ZNF679: variants seen among roughly 807,000 people sequenced by gnomAD.
ZNF679 encodes the protein hypothetical protein MGC42415.
Under a neutral mutation model 13.4 loss-of-function variants are expected in ZNF679, and 10 were observed. The ratio of observed to expected loss-of-function variants is 0.75; its 90% CI spans 0.46 to 1.27. ZNF679 has a LOEUF of 1.27. Among genes scored for constraint, ZNF679 ranks in the 50% most tolerant of loss-of-function variants. The pLI, the probability that ZNF679 is intolerant of heterozygous loss-of-function variation, is 0.00. For synonymous variants in ZNF679, 179 were observed against 162.5 expected, an observed-to-expected ratio of 1.10 and a Z score of -0.77; for missense variants, 525 against 477.8, an observed-to-expected ratio of 1.10 and a Z score of -0.92.
At chr7:64,245,120 A>G (rs1458616031) in intron 1 of ZNF679, among the ~76,000 whole-genome samples, 1 of 152,058 alleles carries the variant, frequency 6.6e-6, no homozygotes, top group Non-Finnish European at 1.5e-5. Flanking sequence ...CTGCTTCCCA[A>G]GTTCAAGCAG....
At chr7:64,251,770 T>C in intron 2 of ZNF679, among the ~76,000 whole-genome samples, 1 of 152,154 alleles carries the variant, frequency 6.6e-6, no homozygotes, top group East Asian at 1.9e-4. Context: ...ATCTCCTGAG[T>C]TATTTTCTTT....
At chr7:64,246,732 A>G (rs558197555) in intron 1 of ZNF679, among the ~76,000 whole-genome samples, 1 of 152,024 alleles carries the variant, frequency 6.6e-6, no homozygotes, top group South Asian at 2.1e-4. Flanking sequence ...AAAGAAAGAA[A>G]GAAAAGAAAG....
chr7:64,243,082 C>G (rs1320859161), intron 1 of ZNF679, among the ~76,000 whole-genome samples: 1 of 152,052 alleles, frequency 6.6e-6, no homozygotes, highest in Non-Finnish European at 1.5e-5. Flanking sequence ...TGTGCTGGAC[C>G]CTGATATGAC....
chr7:64,236,957 GA>G lies in ZNF679; in HGVS notation c.-91+8308del, dbSNP rs1180235374. Among the ~76,000 whole-genome samples, 146 of 74,284 alleles carry G rather than the reference GA, an allele frequency of 2.0e-3. 2 individuals carry two copies. The highest frequency in any genetic ancestry group is 6.0e-3 in the Middle Eastern group (1 of 168). The allele number at this position is 74,284 out of a possible 152,430, so 48.7% of individuals were successfully genotyped here. ...AGAAAGAAAGAAAGAAAGAAAGAAAGAAAGAAAGAAAGAAAGAAAAAGAAAG... is the reference window on the plus strand; with the variant it reads ...AGAAAGAAAGAAAGAAAGAAAGAAAGAAGAAAGAAAGAAAGAAAAAGAAAG... On this transcript the variant is annotated intron_variant, in intron 1 of 4. Transcript: ENST00000421025.
intron 1 of ZNF679, among the ~76,000 whole-genome samples, chr7:64,241,995 T>C (rs1051638346): frequency 6.6e-6 from 1 of 152,186 alleles, no homozygotes; most frequent in South Asian, 2.1e-4. Flanking sequence ...AGTCAACATA[T>C]CTTGGGATAT....
chr7:64,237,553 C>T (rs1174659577), intron 1 of ZNF679, among the ~76,000 whole-genome samples: 1 of 152,224 alleles, frequency 6.6e-6, no homozygotes, highest in African/African-American at 2.4e-5. Context: ...GCCAAGGCTG[C>T]AGTGATGTCT....
intron 4 of ZNF679, 133 bp downstream of exon 4, chr7:64,261,062 T>A: frequency 2.1e-6 from 2 of 958,566 alleles, no homozygotes; most frequent in Non-Finnish European, 3.0e-6. Flanking sequence ...AGTCATTTTT[T>A]TTTCTTTTGC....
chr7:64,250,619 C>A (rs193115434), intron 2 of ZNF679, among the ~76,000 whole-genome samples: 63 of 151,764 alleles, frequency 4.2e-4, no homozygotes, highest in African/African-American at 1.4e-3. Flanking sequence ...GACGGAGCCC[C>A]ATTCCGTCAC....
At chr7:64,244,000 C>T (rs1787834279) in intron 1 of ZNF679, among the ~76,000 whole-genome samples, 3 of 152,062 alleles carry the variant, frequency 2.0e-5, no homozygotes, top group South Asian at 4.1e-4. Context: ...GTCTGTAATC[C>T]CAGCACTTTG....
chr7:64,247,688 A>T (rs1464019739), intron 1 of ZNF679, among the ~76,000 whole-genome samples: 2 of 151,876 alleles, frequency 1.3e-5, no homozygotes, highest in African/African-American at 4.8e-5. Context: ...CAAATAGCTG[A>T]TTACAAGTGT....
intron 1 of ZNF679, among the ~76,000 whole-genome samples, chr7:64,241,659 GA>G (rs758835322): frequency 1.1e-4 from 16 of 152,188 alleles, no homozygotes; most frequent in Non-Finnish European, 2.2e-4. Flanking sequence ...CCAGGATAAA[GA>G]GTTATATCAT....
At chr7:64,261,070 T>C (rs1788071068) in intron 4 of ZNF679, 141 bp downstream of exon 4, 2 of 847,520 alleles carry the variant, frequency 2.4e-6, no homozygotes, top group African/African-American at 3.5e-5. Flanking sequence ...TTTTTTCTTT[T>C]GCTCTCAGAT....
In ZNF679 at chr7:64,249,070, A is replaced by G. The variant is rs768482949; in HGVS notation, c.-48A>G. ...TCACTGCTCTGCGTCCTCTGTTCCT[A>G]GAGGCCAAGCCACTGTGGCCTTGTG... On this transcript the variant is annotated 5_prime_UTR_variant, in exon 2 of 5. Transcript: ENST00000421025. 5 of 1,613,190 alleles carry G rather than the reference A, an allele frequency of 3.1e-6. No individual in the cohort carries two copies. Among genetic ancestry groups the G allele is most frequent in the Non-Finnish European group, 2.5e-6 (3 of 1,179,584 alleles).
At position 64,237,000 on chromosome 7, in the gene ZNF679, A is replaced by G. The variant is rs1398142095; in HGVS notation, c.-91+8348A>G. Among the ~76,000 whole-genome samples the G allele has an allele frequency of 6.7e-5, 3 of 44,670 alleles. 1 individual carries two copies. The highest frequency in any genetic ancestry group is 3.7e-4 in the African/African-American group (2 of 5,372). The allele number at this position is 44,670 out of a possible 152,430, so 29.3% of individuals were successfully genotyped here. A position where few individuals can be genotyped will look rare whatever the true frequency, so the allele number is the denominator to read the frequency against. ...AAAAGAAAGAAAGAAAGAAAGAAAG[A>G]AAAAGAAAGAAAGAAAGAAAGAAAC... On this transcript the variant is annotated intron_variant, in intron 1 of 4. Transcript: ENST00000421025.
chr7:64,251,041 A>C (rs1427366385), intron 2 of ZNF679, among the ~76,000 whole-genome samples: 1 of 152,142 alleles, frequency 6.6e-6, no homozygotes, highest in Non-Finnish European at 1.5e-5. Flanking sequence ...CCTTTCTTAT[A>C]TGTTTCAGAC....
chr7:64,238,861 G>T (rs1419022546), intron 1 of ZNF679, among the ~76,000 whole-genome samples: 6 of 152,104 alleles, frequency 3.9e-5, no homozygotes, highest in Non-Finnish European at 8.8e-5. Context: ...AGTTGACATG[G>T]TGACATATAC....
intron 2 of ZNF679, among the ~76,000 whole-genome samples, chr7:64,251,703 T>G (rs142108579): frequency 6.6e-6 from 1 of 152,196 alleles, no homozygotes; most frequent in Non-Finnish European, 1.5e-5. Context: ...TCTGCCACAG[T>G]GTCTAGTGAA....
Position 64,262,638 on chromosome 7 carries a change from AT to A in ZNF679, c.262+1711del, listed in dbSNP as rs527996094. ...TATTTGCTCATACACAGAAGAGTTC[AT>A]TGCTGGGCCCCCTATTTTGCTCTAT... On this transcript the variant is annotated intron_variant, in intron 4 of 4. Coordinates refer to ENST00000421025, the MANE Select transcript of ZNF679 (RefSeq NM_153363.3). 3.9e-5 allele frequency among the ~76,000 whole-genome samples: 6 copies of A among 152,234 alleles called. No individual in the cohort carries two copies. In the East Asian group the frequency reaches 7.7e-4, roughly 20 times the overall value.
At chr7:64,252,608 G>C (rs1787957225) in intron 2 of ZNF679, among the ~76,000 whole-genome samples, 2 of 152,234 alleles carry the variant, frequency 1.3e-5, no homozygotes, top group African/African-American at 4.8e-5. Flanking sequence ...ATTTGCACAA[G>C]AAAATGTGGT....
Sources: gnomAD v4.1 joint callset for allele counts (sites outside exome capture counted in the v4.1 genomes callset) on GRCh38, gnomAD v4.1.1 for gene constraint, MANE v1.5 for transcripts, NCBI Gene and HGNC (gene_info 2026-07-23, HGNC 2026-07-21) for gene names.